The following TG variants were observed in gnomAD, a reference collection of about 807,000 sequenced individuals.
TG encodes thyroid hormones.
A neutral mutation model predicts 324.7 loss-of-function variants in TG; 270 were observed. The ratio of observed to expected loss-of-function variants is 0.83; its 90% CI spans 0.75 to 0.92. The LOEUF (loss-of-function observed/expected upper bound fraction) is 0.92, where lower values mean the gene tolerates loss of function less well. TG is among the 40% of genes least tolerant of loss of function. The probability of loss-of-function intolerance (pLI) is 0.00; values close to 1 mark genes in which losing one functional copy is unlikely to be tolerated. For missense variants in TG, 3,591 were observed against 3,456.4 expected (o/e 1.04, Z -0.98); for synonymous variants, 1,401 against 1,327.0 (o/e 1.06, Z -1.21).
chr8:133,116,858 A>G (rs544781970), intron 45 of TG, 142 bp downstream of exon 45: 1 of 741,220 alleles, frequency 1.3e-6, no homozygotes, highest in African/African-American at 1.8e-5. Context: ...TAGCCACTTC[A>G]TCTCACTGTC....
At chr8:132,892,796 AGTGTGGTGTGTGTGTTTATGT>A (rs1164344077) in intron 10 of TG, among the ~76,000 whole-genome samples, 2 of 137,716 alleles carry the variant, frequency 1.5e-5, no homozygotes, top group African/African-American at 5.6e-5. Context: ...TATGTGTATG[AGTGTGGTGTGTGTGTTTATGT>A]GTGTGGTGTG....
chr8:132,875,613 T>C (rs1430847895), intron 5 of TG, among the ~76,000 whole-genome samples: 2 of 152,238 alleles, frequency 1.3e-5, no homozygotes, highest in Non-Finnish European at 2.9e-5. Flanking sequence ...CCCTGGTGTG[T>C]GCCACACTGA....
intron 41 of TG, among the ~76,000 whole-genome samples, chr8:133,069,304 G>A (rs1212016932): frequency 2.0e-5 from 3 of 152,190 alleles, no homozygotes; most frequent in Admixed American, 2.0e-4. Context: ...CAAGCAAGAT[G>A]GGAATCAGCA....
intron 43 of TG, among the ~76,000 whole-genome samples, chr8:133,108,576 A>G (rs1300105546): frequency 2.0e-5 from 3 of 152,240 alleles, no homozygotes; most frequent in Non-Finnish European, 4.4e-5. Context: ...TAGAGCGATT[A>G]TATAACTTTC....
rs543549105 is a variant in TG, at chr8:132,906,074, T to A, written c.3635-614T>A. Among the ~76,000 whole-genome samples the A allele has an allele frequency of 8.5e-5, 13 of 152,102 alleles. 1 individual carries two copies. The South Asian group carries it at 2.5e-3, about 29-fold the overall frequency. On this transcript the variant is annotated intron_variant, in intron 16 of 47. Transcript: ENST00000220616. ...TGCCAGCAGTGGGGACTGAGTGGGATGTGGGAGCAGAAAGGCAGGAGGAGG... is the reference window on the plus strand; with the variant it reads ...TGCCAGCAGTGGGGACTGAGTGGGAAGTGGGAGCAGAAAGGCAGGAGGAGG...
chr8:133,072,369 G>A (rs1844190529), intron 41 of TG, among the ~76,000 whole-genome samples: 2 of 152,244 alleles, frequency 1.3e-5, no homozygotes, highest in Admixed American at 1.3e-4. Context: ...TAGGGAGATT[G>A]AGAGAGGGAG....
chr8:132,890,076 C>A (rs976573016), intron 10 of TG, among the ~76,000 whole-genome samples: 1 of 152,040 alleles, frequency 6.6e-6, no homozygotes, highest in Non-Finnish European at 1.5e-5. Context: ...CTAGTCTTAC[C>A]TTAGTCTGAA....
chr8:133,006,454 C>T (rs542880938), intron 35 of TG, among the ~76,000 whole-genome samples: 85 of 152,328 alleles, frequency 5.6e-4, no homozygotes, highest in African/African-American at 2.0e-3. Context: ...TTGAGAACTA[C>T]GATGGACGGG....
At chr8:133,129,095 A>G (rs1020064155) in intron 45 of TG, among the ~76,000 whole-genome samples, 1 of 152,016 alleles carries the variant, frequency 6.6e-6, no homozygotes, top group African/African-American at 2.4e-5. Flanking sequence ...TTGGTCCTCG[A>G]CTCCCAGATT....
chr8:132,891,277 G>A (rs1219962691), intron 10 of TG, among the ~76,000 whole-genome samples: 5 of 152,106 alleles, frequency 3.3e-5, no homozygotes, highest in East Asian at 3.9e-4. Context: ...GGTTATAGAC[G>A]TAGGAGGGGA....
In TG at chr8:132,882,837, C is replaced by T. The variant is rs367625126; in HGVS notation, c.913C>T (p.Arg305Trp). 5.6e-5 allele frequency: 90 copies of T among 1,614,066 alleles called. 2 individuals are homozygous for T. In the South Asian group the frequency reaches 9.0e-4, roughly 16 times the overall value. The part of the protein sequence containing the change: ...FRCPTKCEVE[R>W]FTATSFGHPY... ...AGGCCCCACAAAATGTGAAGTGGAG[C>T]GGTTTACAGCAACCAGCTTTGGTCA... Residue 305 changes from arginine (R) to tryptophan (W), a missense_variant, in exon 8 of 48, where the codon CGG becomes TGG. Arg to Trp is a moderately radical substitution (Grantham distance 101). Coordinates refer to ENST00000220616, the MANE Select transcript of TG (RefSeq NM_003235.5).
intron 15 of TG, 55 bp downstream of exon 15, chr8:132,900,394 C>A: frequency 1.3e-6 from 2 of 1,516,578 alleles, no homozygotes; most frequent in Non-Finnish European, 1.8e-6. Context: ...GGGCACTGAG[C>A]GTGGAGTCCA....
At chr8:133,060,376 G>A in intron 41 of TG, 1 of 1,529,590 alleles carries the variant, frequency 6.5e-7, no homozygotes. Context: ...CGCAGCTCAA[G>A]TTCTTTTATC....
Position 132,888,138 on chromosome 8 carries a change from T to A in TG, c.2331T>A (p.Pro777=). ...GGAGACAAGTGCAATGCAATGGGCCTCCTGAGCAGGTCTTCGAGTTGTACC... is the reference window on the plus strand; with the variant it reads ...GGAGACAAGTGCAATGCAATGGGCCACCTGAGCAGGTCTTCGAGTTGTACC... ...GQWRQVQCNG[P]PEQVFELYQR... is the part of the protein sequence containing the mutation. Residue 777 remains proline, a synonymous_variant, in exon 10 of 48, where the codon CCT becomes CCA. Transcript: ENST00000220616. The A allele has an allele frequency of 6.2e-7, 1 of 1,614,022 alleles. No individual in the cohort carries two copies. Among genetic ancestry groups the A allele is most frequent in the Non-Finnish European group, 8.5e-7 (1 of 1,179,984 alleles).
At chr8:132,969,596 T>C (rs1829175600) in intron 32 of TG, 27 bp downstream of exon 32, 2 of 1,381,476 alleles carry the variant, frequency 1.4e-6, no homozygotes, top group Non-Finnish European at 2.1e-6. Flanking sequence ...TCACCCCTAA[T>C]GTTTATTATG....
chr8:133,080,820 C>G (rs1845631399), intron 41 of TG, among the ~76,000 whole-genome samples: 1 of 152,236 alleles, frequency 6.6e-6, no homozygotes, highest in Non-Finnish European at 1.5e-5. Flanking sequence ...GCCTTTCCCC[C>G]TGCAAGGGCA....
chr8:132,964,653 C>T (rs889626761), intron 29 of TG: 2 of 493,388 alleles, frequency 4.1e-6, no homozygotes, highest in Non-Finnish European at 7.2e-6. Context: ...TAGGAAATGG[C>T]TTAATCTAAT....
intron 41 of TG, among the ~76,000 whole-genome samples, chr8:133,064,958 G>A (rs949476009): frequency 2.0e-5 from 3 of 152,190 alleles, no homozygotes; most frequent in African/African-American, 7.2e-5. Flanking sequence ...AGGTCATAAA[G>A]CCAGGAACTG....
In TG at chr8:132,888,295, C is replaced by G. The variant is rs2076737; in HGVS notation, c.2488C>G (p.Gln830Glu). Residue 830 changes from glutamine (Q) to glutamate (E), a missense_variant, in exon 10 of 48, where the codon CAA becomes GAA. Gln to Glu is a conservative substitution (Grantham distance 29). Transcript: ENST00000220616. ...FIQSLYEAGQQDVFPVLSQYP... is the reference protein window; with the variant it reads ...FIQSLYEAGQEDVFPVLSQYP... The stretch of plus-strand genomic sequence containing the variant: ...TCAAAGTCTGTATGAGGCTGGCCAG[C>G]AAGATGTCTTCCCGGTGCTGTCACA... 1.7e-4 allele frequency: 273 copies of G among 1,614,120 alleles called. 3 individuals are homozygous for G. The East Asian group carries it at 6.0e-3, about 35-fold the overall frequency.
Sources: allele counts gnomAD v4.1 joint callset (sites outside exome capture counted in the v4.1 genomes callset), GRCh38; gene constraint gnomAD v4.1.1; transcripts MANE v1.5; gene names NCBI Gene and HGNC (gene_info 2026-07-23, HGNC 2026-07-21).